The following SOX5 variants were observed in gnomAD, a reference collection of about 807,000 sequenced individuals.
SOX5 encodes transcription factor SOX-5.
Under a neutral mutation model 92.0 loss-of-function variants are expected in SOX5, and 9 were observed. The ratio of observed to expected loss-of-function variants is 0.10; its 90% CI spans 0.06 to 0.17. The LOEUF (loss-of-function observed/expected upper bound fraction) is 0.17, where lower values mean the gene tolerates loss of function less well. Among genes scored for constraint, SOX5 ranks in the 10% least tolerant of loss-of-function variants. The pLI is 1.00. For missense variants in SOX5, 642 were observed against 944.5 expected (o/e 0.68, Z 4.20); for synonymous variants, 344 against 336.3 (o/e 1.02, Z -0.25).
intron 3 of SOX5, among the ~76,000 whole-genome samples, chr12:23,759,521 C>T (rs1408651060): frequency 2.0e-5 from 3 of 152,052 alleles, no homozygotes; most frequent in African/African-American, 7.2e-5. Flanking sequence ...ACATTCAATA[C>T]TCTACTAACT....
At chr12:24,216,250 G>T (rs888677002) in intron 3 of SOX5, among the ~76,000 whole-genome samples, 1 of 150,482 alleles carries the variant, frequency 6.6e-6, no homozygotes, top group Non-Finnish European at 1.5e-5. Flanking sequence ...TTGGGAGGCC[G>T]AGGCGGACGG....
At chr12:24,413,589 C>T (rs1317086776) in intron 1 of SOX5, among the ~76,000 whole-genome samples, 1 of 152,098 alleles carries the variant, frequency 6.6e-6, no homozygotes, top group Non-Finnish European at 1.5e-5. Context: ...GCCTCATTTC[C>T]TTAAGGAAGG....
At chr12:23,779,788 AAT>A (rs1172787679) in intron 3 of SOX5, among the ~76,000 whole-genome samples, 6,195 of 110,452 alleles carry the variant, frequency 0.056, 212 homozygotes, top group Non-Finnish European at 0.073. Flanking sequence ...CACAGATTAA[AAT>A]ATATATATAT....
intron 3 of SOX5, among the ~76,000 whole-genome samples, chr12:24,262,868 G>T (rs1005491917): frequency 6.6e-6 from 1 of 152,210 alleles, no homozygotes; most frequent in Admixed American, 6.5e-5. Context: ...ATCTGAAATG[G>T]GATTACCATC....
intron 2 of SOX5, among the ~76,000 whole-genome samples, chr12:23,857,922 C>G (rs1000447224): frequency 6.6e-6 from 1 of 151,876 alleles, no homozygotes; most frequent in African/African-American, 2.4e-5. Context: ...TTAGTAGAGA[C>G]GGGGTTTCGC....
intron 4 of SOX5, among the ~76,000 whole-genome samples, chr12:24,090,310 G>C (rs1593056644): frequency 6.6e-6 from 1 of 152,070 alleles, no homozygotes; most frequent in Non-Finnish European, 1.5e-5. Context: ...TGGAATGATA[G>C]TTGGCTAACG....
chr12:24,503,544 T>A (rs765635177), intron 1 of SOX5, among the ~76,000 whole-genome samples: 1 of 152,196 alleles, frequency 6.6e-6, no homozygotes, highest in Admixed American at 6.5e-5. Context: ...ATTGTAGTAC[T>A]GTTCACAATA....
chr12:23,558,379 C>T (rs898974892), intron 11 of SOX5, among the ~76,000 whole-genome samples: 3 of 152,106 alleles, frequency 2.0e-5, no homozygotes, highest in African/African-American at 4.8e-5. Context: ...GAATGAAATA[C>T]CCCCGTATGA....
chr12:23,965,003 G>A (rs1039551457), intron 4 of SOX5, among the ~76,000 whole-genome samples: 7 of 151,944 alleles, frequency 4.6e-5, no homozygotes, highest in Non-Finnish European at 1.0e-4. Flanking sequence ...ACAGGGGCGC[G>A]TGGTCAGCTC....
chr12:23,572,356 C>A (rs1403988322), intron 10 of SOX5, among the ~76,000 whole-genome samples: 1 of 151,938 alleles, frequency 6.6e-6, no homozygotes, highest in African/African-American at 2.4e-5. Context: ...AAAGTTTCAG[C>A]TTTCAACATC....
intron 3 of SOX5, chr12:24,237,848 G>A (rs1964812369): frequency 6.6e-6 from 1 of 152,130 alleles, no homozygotes; most frequent in Non-Finnish European, 1.5e-5. Flanking sequence ...TGATCTCCTA[G>A]GACAGTGGCA....
At chr12:23,914,211 G>A (rs911701839) in intron 1 of SOX5, among the ~76,000 whole-genome samples, 31 of 152,144 alleles carry the variant, frequency 2.0e-4, no homozygotes, top group African/African-American at 7.5e-4. Flanking sequence ...ATTACAGAGG[G>A]TAAGTAAAAT....
In SOX5 at chr12:24,463,030, T is replaced by G. The variant is rs576006807; in HGVS notation, c.-250-94391A>C. 2.0e-5 allele frequency among the ~76,000 whole-genome samples: 3 copies of G among 152,130 alleles called. No homozygotes were observed. The South Asian group carries it at 6.2e-4, about 32-fold the overall frequency. On this transcript the variant is annotated intron_variant, in intron 1 of 4. Coordinates refer to the SOX5 transcript ENST00000446891. ...CCCAGGAGTTTGAGACCAGCCTGGG[T>G]AACACAGTGAGACTCTGTCTCTACA...
chr12:24,213,705 C>G (rs1327328468), intron 3 of SOX5, among the ~76,000 whole-genome samples: 1 of 151,092 alleles, frequency 6.6e-6, no homozygotes, highest in East Asian at 1.9e-4. Context: ...AAAAACTAAA[C>G]AATTTTTATT....
chr12:24,540,281 TC>T (rs1290699066), intron 1 of SOX5, among the ~76,000 whole-genome samples: 1 of 149,032 alleles, frequency 6.7e-6, no homozygotes, highest in Non-Finnish European at 1.5e-5. Flanking sequence ...TTCGCATTTT[TC>T]TTTGTATACG....
intron 1 of SOX5, among the ~76,000 whole-genome samples, chr12:24,517,002 A>T (rs762464892): frequency 6.6e-6 from 1 of 152,224 alleles, no homozygotes. Flanking sequence ...TAAACATGAG[A>T]ATAAAAAATT....
chr12:24,105,906 C>T (rs1946615202), intron 4 of SOX5, among the ~76,000 whole-genome samples: 1 of 152,126 alleles, frequency 6.6e-6, no homozygotes, highest in African/African-American at 2.4e-5. Context: ...TGACTGTTTT[C>T]ACAAGTTAGG....
chr12:24,072,143 G>T (rs1399727810), intron 4 of SOX5, among the ~76,000 whole-genome samples: 6 of 152,176 alleles, frequency 3.9e-5, no homozygotes, highest in Non-Finnish European at 8.8e-5. Context: ...AATTGAATTT[G>T]ATAAGTTTAT....
At chr12:23,793,740 C>T (rs1269733668) in intron 3 of SOX5, among the ~76,000 whole-genome samples, 3 of 152,176 alleles carry the variant, frequency 2.0e-5, no homozygotes, top group Non-Finnish European at 4.4e-5. Context: ...GCAACATAAA[C>T]CGGATCTCTG....
Sources: gnomAD v4.1 joint callset for allele counts (sites outside exome capture counted in the v4.1 genomes callset) on GRCh38, gnomAD v4.1.1 for gene constraint, MANE v1.5 for transcripts, NCBI Gene and HGNC (gene_info 2026-07-23, HGNC 2026-07-21) for gene names.